The following ZBTB40 variants were observed in gnomAD, a reference collection of about 807,000 sequenced individuals.
ZBTB40 encodes the protein zinc finger and BTB domain containing 40.
ZBTB40 carries 60 observed loss-of-function variants against 117.5 expected under a neutral mutation model. The ratio of observed to expected loss-of-function variants is 0.51; its 90% CI spans 0.41 to 0.63. The LOEUF (loss-of-function observed/expected upper bound fraction) is 0.63. Ranked by LOEUF, ZBTB40 falls within the 30% of genes least tolerant of loss-of-function variation. The pLI is 0.00. For missense variants in ZBTB40, 1,287 were observed against 1,498.5 expected (o/e 0.86, Z 2.33); for synonymous variants, 525 against 577.1 (o/e 0.91, Z 1.29).
At chr1:22,456,357 A>G (rs190961700) in intron 1 of ZBTB40, among the ~76,000 whole-genome samples, 1 of 152,196 alleles carries the variant, frequency 6.6e-6, no homozygotes, top group Non-Finnish European at 1.5e-5. Flanking sequence ...CCTCAAAATT[A>G]TGATGCCACG....
At chr1:22,511,138 T>C in intron 9 of ZBTB40, 41 bp from the exon 10 acceptor site, 1 of 1,550,240 alleles carries the variant, frequency 6.5e-7, no homozygotes, top group Non-Finnish European at 8.9e-7. Flanking sequence ...GAAAATCTGC[T>C]GAGATTAACC....
intron 1 of ZBTB40, among the ~76,000 whole-genome samples, chr1:22,463,826 C>T (rs140347798): frequency 1.3e-3 from 193 of 152,288 alleles, no homozygotes; most frequent in African/African-American, 4.4e-3. Flanking sequence ...TATTTTGCCT[C>T]ATTGTATTTT....
chr1:22,511,923 C>T lies in ZBTB40; in HGVS notation c.2250C>T (p.Arg750=). ...ACAAAAGCTTCCATTTCTACTGCCG[C>T]CTAAAGGTGCACATGAAGCGCTGCC... ...ACDKSFHFYC[R]LKVHMKRCRV... is the part of the protein sequence containing the mutation. Residue 750 remains arginine, a synonymous_variant, in exon 11 of 18, where the codon CGC becomes CGT. Transcript: ENST00000375647. 1.2e-6 allele frequency: 2 copies of T among 1,614,140 alleles called. No individual in the cohort carries two copies. The highest frequency in any genetic ancestry group is 1.7e-6 in the Non-Finnish European group (2 of 1,180,040).
chr1:22,472,512 T>C (rs1390160133), intron 1 of ZBTB40, among the ~76,000 whole-genome samples: 1 of 152,200 alleles, frequency 6.6e-6, no homozygotes, highest in East Asian at 1.9e-4. Flanking sequence ...TTTTAGACTT[T>C]ACACCACAAA....
In ZBTB40 at chr1:22,524,395, C is replaced by G. The variant is rs1436337130; in HGVS notation, c.3476C>G (p.Pro1159Arg). The part of the protein sequence containing the change: ...QLDSHLESEH[P>R]KVMSTETQAA... ...GACAGTCACCTGGAATCTGAGCACCCAAAGGTGATGAGCACGGAAACCCAG... is the reference window on the plus strand; with the variant it reads ...GACAGTCACCTGGAATCTGAGCACCGAAAGGTGATGAGCACGGAAACCCAG... The change falls in exon 17 of 18, where the codon CCA (proline) becomes CGA (arginine). Residue 1159 changes from proline (P) to arginine (R), a missense_variant. By Grantham distance (103) the Pro-to-Arg change is moderately radical (BLOSUM62 -2). Coordinates refer to ENST00000375647, the MANE Select transcript of ZBTB40 (RefSeq NM_014870.4). 3 of 1,614,170 alleles carry G rather than the reference C, an allele frequency of 1.9e-6. No individual in the cohort carries two copies. The highest frequency in any genetic ancestry group is 4.5e-5 in the East Asian group (2 of 44,876).
chr1:22,481,630 C>T (rs1638319403), intron 1 of ZBTB40, among the ~76,000 whole-genome samples: 1 of 151,694 alleles, frequency 6.6e-6, no homozygotes. Context: ...GTACCCTCCC[C>T]AGAAACTTAA....
At chr1:22,510,350 G>A (rs767298159) in intron 9 of ZBTB40, among the ~76,000 whole-genome samples, 1 of 152,214 alleles carries the variant, frequency 6.6e-6, no homozygotes, top group South Asian at 2.1e-4. Flanking sequence ...TCAGAGGAAA[G>A]ACTCATCTGT....
At chr1:22,443,334 G>A (rs1428197086) in intron 1 of ZBTB40, among the ~76,000 whole-genome samples, 1 of 152,148 alleles carries the variant, frequency 6.6e-6, no homozygotes, top group Non-Finnish European at 1.5e-5. Context: ...AGAAGCCACA[G>A]GCAAAGACAT....
intron 1 of ZBTB40, among the ~76,000 whole-genome samples, chr1:22,439,152 C>T (rs1318930324): frequency 3.9e-5 from 6 of 152,204 alleles, no homozygotes; most frequent in Non-Finnish European, 2.9e-5. Flanking sequence ...AGGCGTGAGC[C>T]ACCATGCCTG....
At chr1:22,518,997 CT>C (rs1301831443) in intron 13 of ZBTB40, among the ~76,000 whole-genome samples, 1 of 152,186 alleles carries the variant, frequency 6.6e-6, no homozygotes, top group African/African-American at 2.4e-5. Context: ...CCAGGCCCCC[CT>C]CTCTCTCCCA....
At chr1:22,484,930 TGATGC>T (rs1048217569) in intron 1 of ZBTB40, among the ~76,000 whole-genome samples, 7 of 152,254 alleles carry the variant, frequency 4.6e-5, no homozygotes, top group African/African-American at 1.7e-4. Flanking sequence ...TTTAGCCTGT[TGATGC>T]GATGGATCAC....
At chr1:22,503,965 C>G (rs898321306) in intron 5 of ZBTB40, among the ~76,000 whole-genome samples, 3 of 152,224 alleles carry the variant, frequency 2.0e-5, no homozygotes, top group Non-Finnish European at 2.9e-5. Flanking sequence ...TCATTCTCTG[C>G]AGCAAGATAG....
chr1:22,526,145 A>G, intron 17 of ZBTB40, 57 bp from the exon 18 acceptor site: 2 of 1,591,830 alleles, frequency 1.3e-6, no homozygotes, highest in South Asian at 2.2e-5. Flanking sequence ...AACCATGTAA[A>G]TCAGGGAGCC....
At chr1:22,450,412 A>T (rs1045082828), upstream of ZBTB40, among the ~76,000 whole-genome samples, 1 of 152,242 alleles carries the variant, frequency 6.6e-6, no homozygotes, top group Non-Finnish European at 1.5e-5. Context: ...TCCAGTTACT[A>T]CAAAAGTGAC....
chr1:22,521,081 G>A (rs994179817), intron 14 of ZBTB40, among the ~76,000 whole-genome samples: 1 of 152,342 alleles, frequency 6.6e-6, no homozygotes, highest in Non-Finnish European at 1.5e-5. Context: ...CTGGGAAGCC[G>A]TGAGATGCAG....
chr1:22,489,970 C>A lies in ZBTB40; in HGVS notation c.22C>A (p.Arg8=). 1 of 1,612,476 alleles carries A rather than the reference C, an allele frequency of 6.2e-7. No individual in the cohort carries two copies. The highest frequency in any genetic ancestry group is 2.2e-5 in the East Asian group (1 of 44,866). Residue 8 remains arginine, a synonymous_variant, in exon 2 of 18, where the codon CGG becomes AGG. Transcript: ENST00000375647. ...CGCAATGGAGCTCCCCAACTACAGC[C>A]GGCAGCTGCTGCAGCAGCTGTACAC... MELPNYS[R]QLLQQLYTLC...
rs898882397 is a variant in ZBTB40, at chr1:22,527,740, A to G, written c.*1344A>G. ...CCAGGCACATCTCACATTGCCATGT[A>G]CAGAGGCAGGAGTCACGTTTGGTCA... On this transcript the variant is annotated 3_prime_UTR_variant, in exon 18 of 18. Transcript: ENST00000375647. 2.0e-5 allele frequency: 3 copies of G among 152,178 alleles called. No homozygotes were observed. In the East Asian group the frequency reaches 5.6e-4, roughly 29 times the overall value. The allele number at this position is 152,178 out of a possible 1,614,324, so 9.4% of individuals were successfully genotyped here. A position where few individuals can be genotyped will look rare whatever the true frequency, so the allele number is the denominator to read the frequency against.
upstream of ZBTB40, among the ~76,000 whole-genome samples, chr1:22,449,679 A>T (rs1308435819): frequency 6.6e-6 from 1 of 152,168 alleles, no homozygotes; most frequent in Non-Finnish European, 1.5e-5. Flanking sequence ...TATAATAAGC[A>T]TGTATTCATT....
chr1:22,446,046 T>C (rs893071441), intron 1 of ZBTB40, among the ~76,000 whole-genome samples: 1 of 151,890 alleles, frequency 6.6e-6, no homozygotes, highest in Non-Finnish European at 1.5e-5. Flanking sequence ...CAAGAACAGA[T>C]GAACAATGTA....
Sources: gnomAD v4.1 joint callset for allele counts (sites outside exome capture counted in the v4.1 genomes callset) on GRCh38, gnomAD v4.1.1 for gene constraint, MANE v1.5 for transcripts, NCBI Gene and HGNC (gene_info 2026-07-23, HGNC 2026-07-21) for gene names.